The following CCDC61 variants were observed in gnomAD, a reference collection of about 807,000 sequenced individuals.
The protein encoded by CCDC61 is coiled-coil domain containing 61.
In CCDC61, 55 loss-of-function variants were observed where a neutral mutation model predicts 63.0. The ratio of observed to expected loss-of-function variants is 0.87; its 90% confidence interval spans 0.70 to 1.09. The LOEUF is 1.09. Ranked by LOEUF, CCDC61 falls within the 50% of genes least tolerant of loss-of-function variation. The pLI, the probability that CCDC61 is intolerant of heterozygous loss-of-function variation, is 0.00. For missense variants in CCDC61, 651 were observed against 731.4 expected (o/e 0.89, Z 1.27); for synonymous variants, 270 against 317.0 (o/e 0.85, Z 1.58).
chr19:46,003,809 G>A (rs1001162331), intron 3 of CCDC61, among the ~76,000 whole-genome samples: 3 of 143,830 alleles, frequency 2.1e-5, no homozygotes, highest in African/African-American at 7.9e-5. Flanking sequence ...GTCTCTGTTT[G>A]TTTCCAAATA....
intron 4 of CCDC61, among the ~76,000 whole-genome samples, chr19:46,007,094 G>A (rs1237006598): frequency 2.0e-5 from 3 of 150,716 alleles, no homozygotes; most frequent in Non-Finnish European, 4.4e-5. Context: ...TCTCATCCAG[G>A]CTGGAGTGCA....
intron 5 of CCDC61, among the ~76,000 whole-genome samples, chr19:46,013,505 TAAC>T (rs1471650673): frequency 2.6e-5 from 4 of 152,140 alleles, no homozygotes; most frequent in African/African-American, 7.2e-5. Context: ...CTAGGGATAA[TAAC>T]ATATTTATTT....
At chr19:46,003,528 T>TTGGGGG in intron 3 of CCDC61, 27 bp downstream of exon 3, 8 of 883,156 alleles carry the variant, frequency 9.1e-6, no homozygotes, top group Non-Finnish European at 1.4e-5. Flanking sequence ...CGGGTTGGGG[T>TTGGGGG]GGGAGGGGGG....
intron 1 of CCDC61, among the ~76,000 whole-genome samples, chr19:45,995,784 C>T (rs1469464752): frequency 2.0e-5 from 3 of 151,990 alleles, no homozygotes; most frequent in Non-Finnish European, 4.4e-5. Flanking sequence ...ATAGAGACGT[C>T]CTTGGAATGC....
At chr19:45,995,660 T>C (rs1968479006) in intron 1 of CCDC61, among the ~76,000 whole-genome samples, 156 bp downstream of exon 1, 1 of 151,856 alleles carries the variant, frequency 6.6e-6, no homozygotes, top group Non-Finnish European at 1.5e-5. Flanking sequence ...GGGTAGGCGC[T>C]TGATTGAGGG....
Position 46,003,062 on chromosome 19 carries a change from G to T in CCDC61, c.44G>T (p.Gly15Val). 6.2e-7 allele frequency: 1 copy of T among 1,600,676 alleles called. No individual in the cohort carries two copies. The highest frequency in any genetic ancestry group is 8.5e-7 in the Non-Finnish European group (1 of 1,173,858). The change falls in exon 2 of 14, where the codon GGT (glycine) becomes GTT (valine). Residue 15 changes from glycine to valine, a missense_variant. Gly to Val is a moderately radical substitution (Grantham distance 109). Transcript: ENST00000595358. Reference protein sequence around the residue: ...AGLQVDYVFRGVEHAVRVMVS... With the variant: ...AGLQVDYVFRVVEHAVRVMVS... ...CTGCAGGTGGACTACGTCTTCCGGG[G>T]TGTGGAGCATGCCGTGCGGGTGATG...
At chr19:46,017,403 T>C in intron 12 of CCDC61, 99 bp downstream of exon 12, 1 of 1,125,336 alleles carries the variant, frequency 8.9e-7, no homozygotes, top group African/African-American at 1.6e-5. Flanking sequence ...CTGAATGCCT[T>C]TGGCAATAGG....
At chr19:46,002,847 C>T (rs1968616858) in intron 1 of CCDC61, among the ~76,000 whole-genome samples, 161 bp from the exon 2 acceptor site, 1 of 152,198 alleles carries the variant, frequency 6.6e-6, no homozygotes, top group Non-Finnish European at 1.5e-5. Flanking sequence ...CATTATTATA[C>T]CCATTTTCCA....
At chr19:46,013,409 G>A (rs1968865617) in intron 5 of CCDC61, among the ~76,000 whole-genome samples, 1 of 151,858 alleles carries the variant, frequency 6.6e-6, no homozygotes, top group South Asian at 2.1e-4. Context: ...TGTCCGCCTT[G>A]GCCTCCCAAA....
In CCDC61 at chr19:46,018,096, C is replaced by T. The variant is rs762229559; in HGVS notation, c.1387C>T (p.Arg463Cys). ...TCACCAGAAGTCTCCCCCCGTGGAACGCAGCCACCATCAGAAATCTCTGGC... is the reference window on the plus strand; with the variant it reads ...TCACCAGAAGTCTCCCCCCGTGGAATGCAGCCACCATCAGAAATCTCTGGC... ...GSNMKSPPVE[R>C]SHHQKSLANS... The change falls in exon 13 of 14, where the codon CGC (arginine) becomes TGC (cysteine). Residue 463 changes from arginine (R) to cysteine (C), a missense_variant. Coordinates refer to ENST00000595358, the MANE Select transcript of CCDC61 (RefSeq NM_001267723.2). The surrounding 1 kb of genome is among the most constrained non-coding windows in gnomAD (Gnocchi z 4.2). 3.4e-5 allele frequency: 54 copies of T among 1,610,904 alleles called. No homozygotes were observed. The highest frequency in any genetic ancestry group is 3.3e-4 in the Middle Eastern group (2 of 6,052).
intron 3 of CCDC61, among the ~76,000 whole-genome samples, chr19:46,006,051 C>G (rs1030466395): frequency 2.0e-5 from 3 of 152,042 alleles, no homozygotes; most frequent in Non-Finnish European, 4.4e-5. Context: ...GGTTGATTTG[C>G]TTATTTACTT....
In CCDC61 at chr19:46,015,812, A is replaced by G. The variant is rs1297966717; in HGVS notation, c.846-242A>G. Among the ~76,000 whole-genome samples, 1 of 151,802 alleles carries G rather than the reference A, an allele frequency of 6.6e-6. No individual in the cohort carries two copies. Among genetic ancestry groups the G allele is most frequent in the Non-Finnish European group, 1.5e-5 (1 of 67,920 alleles). On this transcript the variant is annotated intron_variant, in intron 7 of 13. Transcript: ENST00000595358. This position sits in a 1 kb window ranked among gnomAD's most constrained non-coding sequence, Gnocchi z 5.3. ...CGGGGAGTTGTGGAAGACTCCGGAA[A>G]GAAGGGTCTGTTGAAGGCGGTGTGT...
intron 1 of CCDC61, among the ~76,000 whole-genome samples, chr19:45,998,004 T>C (rs1968525729): frequency 6.6e-6 from 1 of 152,246 alleles, no homozygotes; most frequent in Non-Finnish European, 1.5e-5. Flanking sequence ...CAATTACTGT[T>C]GGTTTATATC....
At chr19:46,000,058 G>A in intron 1 of CCDC61, 1 of 985,288 alleles carries the variant, frequency 1.0e-6, no homozygotes, top group Non-Finnish European at 1.2e-6. Context: ...GAGGATGCAG[G>A]TAGAGGGACA....
At position 46,008,156 on chromosome 19, in the gene CCDC61, C is replaced by G. The variant is rs1157527260; in HGVS notation, c.406C>G (p.Pro136Ala). The change falls in exon 5 of 14, where the codon CCC becomes GCC. Residue 136 changes from proline to alanine, a missense_variant. Transcript: ENST00000595358. ...CCTCCTCAGGATTCACTACCCGCTG[C>G]CCCTCCCGTACCAGGGCAAGCCAGA... The part of the protein sequence containing the change: ...VEFDRIHYPL[P>A]LPYQGKPDPV... The G allele has an allele frequency of 6.8e-6, 11 of 1,610,660 alleles. No homozygotes were observed. The South Asian group carries it at 1.1e-4, about 16-fold the overall frequency.
intron 1 of CCDC61, chr19:46,000,106 G>A (rs1002953571): frequency 2.1e-6 from 2 of 974,974 alleles, no homozygotes; most frequent in East Asian, 1.1e-4. Context: ...CTCAGGGTCC[G>A]GGGAATCCTA....
In CCDC61 at chr19:46,015,415, T is replaced by C; in HGVS notation, c.833T>C (p.Leu278Ser). Residue 278 changes from leucine to serine, a missense_variant, in exon 7 of 14, where the codon TTG becomes TCG. By Grantham distance (145) the Leu-to-Ser change is moderately radical. Coordinates refer to ENST00000595358, the MANE Select transcript of CCDC61 (RefSeq NM_001267723.2). This position sits in a 1 kb window ranked among gnomAD's most constrained non-coding sequence, Gnocchi z 5.3. ...AAGACGCTGACCAGCGAGCTGGCAT[T>C]GTACAAGAGGGGGTGAGAGCGAGGC... The part of the protein sequence containing the change: ...RLKTLTSELA[L>S]YKRGRRTPPV... 4.4e-6 allele frequency: 7 copies of C among 1,600,098 alleles called. No individual in the cohort carries two copies. Among genetic ancestry groups the C allele is most frequent in the Non-Finnish European group, 5.1e-6 (6 of 1,177,672 alleles).
intron 1 of CCDC61, 124 bp from the exon 2 acceptor site, chr19:46,002,884 T>G: frequency 5.7e-6 from 5 of 883,906 alleles, no homozygotes; most frequent in Middle Eastern, 4.4e-4. Context: ...CACAGAGAGG[T>G]GAATTCGCTT....
intron 5 of CCDC61, among the ~76,000 whole-genome samples, chr19:46,012,700 G>A (rs963752561): frequency 3.2e-4 from 48 of 151,344 alleles, no homozygotes; most frequent in African/African-American, 9.2e-4. Context: ...CATAGCCTCC[G>A]TATGTCTTTT....
Sources: allele counts gnomAD v4.1 joint callset (sites outside exome capture counted in the v4.1 genomes callset), GRCh38; gene constraint gnomAD v4.1.1; non-coding constraint Gnocchi (gnomAD v3.1); transcripts MANE v1.5; gene names NCBI Gene and HGNC (gene_info 2026-07-23, HGNC 2026-07-21).